Variants in CNTNAP2 observed in about 807,000 individuals in gnomAD.
CNTNAP2 encodes the protein contactin-associated protein-like 2.
A neutral mutation model predicts 155.2 loss-of-function variants in CNTNAP2; 98 were observed. The ratio of observed to expected loss-of-function variants is 0.63; its 90% CI spans 0.54 to 0.75. CNTNAP2 has a LOEUF of 0.75. Ranked by LOEUF, CNTNAP2 falls within the 30% of genes least tolerant of loss-of-function variation. CNTNAP2 has a pLI of 0.00. For missense variants in CNTNAP2, 1,727 were observed against 1,688.1 expected (o/e 1.02, Z -0.40); for synonymous variants, 651 against 631.2 (o/e 1.03, Z -0.47).
intron 21 of CNTNAP2, among the ~76,000 whole-genome samples, chr7:148,291,297 T>TG (rs1227770795): frequency 2.1e-5 from 1 of 46,750 alleles, no homozygotes. Flanking sequence ...AATATATATA[T>TG]AATATATATA....
rs992317483 is a variant in CNTNAP2, at chr7:146,560,332, A to C, written c.98-213939A>C. Among the ~76,000 whole-genome samples the C allele has an allele frequency of 2.6e-5, 4 of 151,938 alleles. No individual in the cohort carries two copies. In the South Asian group the frequency reaches 8.3e-4, roughly 32 times the overall value. ...ATTAGAGGTTTAAAAAAGCCAGGTT[A>C]TTTATTATGATGGTGTATATACATA... is the stretch of plus-strand genomic sequence containing the variant. On this transcript the variant is annotated intron_variant, in intron 1 of 23. Coordinates refer to ENST00000361727, the MANE Select transcript of CNTNAP2 (RefSeq NM_014141.6).
intron 13 of CNTNAP2, among the ~76,000 whole-genome samples, chr7:147,719,839 C>T (rs1459831047): frequency 3.9e-5 from 6 of 152,030 alleles, no homozygotes; most frequent in Non-Finnish European, 7.4e-5. Context: ...AAGCATCCAC[C>T]TCTTTATATT....
chr7:146,939,069 TATCACTGCCAAC>T (rs1796989769), intron 3 of CNTNAP2, among the ~76,000 whole-genome samples: 1 of 152,088 alleles, frequency 6.6e-6, no homozygotes, highest in Non-Finnish European at 1.5e-5. Flanking sequence ...GAAAAATATT[TATCACTGCCAAC>T]CCAGGAAAAA....
chr7:146,126,130 A>G (rs932395170), intron 1 of CNTNAP2, among the ~76,000 whole-genome samples: 3 of 152,188 alleles, frequency 2.0e-5, no homozygotes, highest in East Asian at 1.9e-4. Context: ...AGCTTGGCCT[A>G]TTTCCAGGTC....
At chr7:148,109,323 G>C (rs1186011399) in intron 15 of CNTNAP2, among the ~76,000 whole-genome samples, 2 of 152,148 alleles carry the variant, frequency 1.3e-5, no homozygotes, top group East Asian at 3.8e-4. Flanking sequence ...CCCAATAAGA[G>C]ATGCAGATGA....
intron 1 of CNTNAP2, among the ~76,000 whole-genome samples, chr7:146,721,105 ATATATATTCTCTC>A (rs1563203172): frequency 1.5e-5 from 2 of 130,086 alleles, no homozygotes; most frequent in Non-Finnish European, 3.1e-5. Context: ...TATATTCTCT[ATATATATTCTCTC>A]TATATATCCT....
At chr7:146,829,759 A>G (rs1212810139) in intron 2 of CNTNAP2, among the ~76,000 whole-genome samples, 1 of 152,030 alleles carries the variant, frequency 6.6e-6, no homozygotes, top group Non-Finnish European at 1.5e-5. Context: ...TTCTGTTATA[A>G]AGCTTAACCG....
intron 14 of CNTNAP2, among the ~76,000 whole-genome samples, chr7:147,919,301 G>T (rs555978740): frequency 2.0e-5 from 3 of 151,466 alleles, no homozygotes; most frequent in African/African-American, 7.3e-5. Context: ...TTTTTGTTTT[G>T]AGACAGGTCT....
chr7:148,043,883 C>A (rs1306263604), intron 15 of CNTNAP2, among the ~76,000 whole-genome samples: 1 of 152,186 alleles, frequency 6.6e-6, no homozygotes, highest in African/African-American at 2.4e-5. Context: ...CTTTTCATAA[C>A]CGCTTTTAGC....
intron 13 of CNTNAP2, among the ~76,000 whole-genome samples, chr7:147,727,747 C>T (rs76902377): frequency 4.9e-5 from 7 of 141,644 alleles, no homozygotes; most frequent in African/African-American, 1.3e-4. Context: ...CCAAAGCCTG[C>T]TTTTTTTTTT....
chr7:147,940,250 T>G (rs1039358691), intron 14 of CNTNAP2: 2 of 141,178 alleles, frequency 1.4e-5, no homozygotes, highest in African/African-American at 5.2e-5. Flanking sequence ...GGGTTCCACC[T>G]GTGAATAGCC....
intron 2 of CNTNAP2, among the ~76,000 whole-genome samples, chr7:146,810,378 G>A (rs1803043125): frequency 6.8e-6 from 1 of 146,882 alleles, no homozygotes; most frequent in Non-Finnish European, 1.5e-5. Context: ...GTACCTTATA[G>A]TTTTTAGTGT....
intron 1 of CNTNAP2, among the ~76,000 whole-genome samples, chr7:146,206,111 A>G (rs537070656): frequency 6.6e-6 from 1 of 152,072 alleles, no homozygotes; most frequent in South Asian, 2.1e-4. Context: ...ACTGACCCAG[A>G]TGACAAAAAT....
intron 16 of CNTNAP2, among the ~76,000 whole-genome samples, chr7:148,138,856 AT>A (rs927050262): frequency 3.9e-5 from 6 of 152,148 alleles, no homozygotes; most frequent in African/African-American, 1.4e-4. Context: ...TTTTGGAACT[AT>A]TTTTGCCTTC....
At chr7:147,786,517 C>A (rs1217087551) in intron 13 of CNTNAP2, among the ~76,000 whole-genome samples, 2 of 152,154 alleles carry the variant, frequency 1.3e-5, no homozygotes, top group Non-Finnish European at 1.5e-5. Flanking sequence ...CACCCACAAA[C>A]CTGGACTGCT....
At chr7:147,076,859 C>T (rs144718723) in intron 4 of CNTNAP2, among the ~76,000 whole-genome samples, 81 of 152,174 alleles carry the variant, frequency 5.3e-4, no homozygotes, top group African/African-American at 1.9e-3. Context: ...AGAAAAAGAG[C>T]ATTGTGAAGG....
rs572068165 is a variant in CNTNAP2 at position 148,248,761 on chromosome 7, A to G, written c.3382-18272A>G. On this transcript the variant is annotated intron_variant, in intron 20 of 23. Coordinates refer to ENST00000361727, the MANE Select transcript of CNTNAP2 (RefSeq NM_014141.6). ...TTTTTTTTATTTCTTTCAAGTAAAT[A>G]TCTAGGAATGAAATCAATGAGTTTA... Among the ~76,000 whole-genome samples the G allele has an allele frequency of 2.1e-4, 32 of 152,310 alleles. No homozygotes were observed. The South Asian group carries it at 6.4e-3, about 31-fold the overall frequency.
At chr7:146,176,295 C>T in intron 1 of CNTNAP2, among the ~76,000 whole-genome samples, 1 of 152,046 alleles carries the variant, frequency 6.6e-6, no homozygotes, top group East Asian at 1.9e-4. Context: ...GCAAATAATT[C>T]CCTTTTTGTC....
chr7:146,244,663 C>T (rs573665468), intron 1 of CNTNAP2, among the ~76,000 whole-genome samples: 1 of 152,150 alleles, frequency 6.6e-6, no homozygotes, highest in African/African-American at 2.4e-5. Flanking sequence ...TCACTGAATA[C>T]TAAGAGCCTG....
Sources: allele counts gnomAD v4.1 joint callset (sites outside exome capture counted in the v4.1 genomes callset), GRCh38; gene constraint gnomAD v4.1.1; transcripts MANE v1.5; gene names NCBI Gene and HGNC (gene_info 2026-07-23, HGNC 2026-07-21).